Variants in UNC13C observed in about 807,000 individuals in gnomAD.
The protein encoded by UNC13C is protein unc-13 homolog C.
A neutral mutation model predicts 245.4 loss-of-function variants in UNC13C; 174 were observed. The ratio of observed to expected loss-of-function variants is 0.71; its 90% CI spans 0.63 to 0.80. UNC13C has a LOEUF of 0.80. Ranked by LOEUF, UNC13C falls within the 30% of genes least tolerant of loss-of-function variation. UNC13C has a pLI of 0.00. For synonymous variants in UNC13C, 992 were observed against 895.1 expected (o/e 1.11, Z -1.93); for missense variants, 2,829 against 2,602.9 (o/e 1.09, Z -1.89).
At chr15:54,495,256 T>C (rs1416522107) in intron 20 of UNC13C, among the ~76,000 whole-genome samples, 1 of 152,048 alleles carries the variant, frequency 6.6e-6, no homozygotes, top group East Asian at 1.9e-4. Context: ...TTTTATTCTA[T>C]TGATGGGGTC....
intron 4 of UNC13C, among the ~76,000 whole-genome samples, chr15:54,197,382 G>C (rs2034388891): frequency 6.6e-6 from 1 of 151,546 alleles, no homozygotes; most frequent in Non-Finnish European, 1.5e-5. Context: ...GGAATCACTT[G>C]AACCCAGGAG....
At chr15:53,902,940 G>A in the UNC13C span, among the ~76,000 whole-genome samples, 1 of 152,200 alleles carries the variant, frequency 6.6e-6, no homozygotes, top group Non-Finnish European at 1.5e-5. Context: ...GCTTCAAAGG[G>A]TTGGTAGGGA....
chr15:54,316,020 C>T (rs551826923), intron 13 of UNC13C, among the ~76,000 whole-genome samples: 1 of 151,996 alleles, frequency 6.6e-6, no homozygotes, highest in Non-Finnish European at 1.5e-5. Flanking sequence ...CATCCTCCTA[C>T]ATGCTCCTTC....
intron 19 of UNC13C, among the ~76,000 whole-genome samples, chr15:54,478,829 G>A (rs1027814639): frequency 8.6e-5 from 13 of 151,882 alleles, no homozygotes; most frequent in Non-Finnish European, 1.5e-4. Flanking sequence ...TATTAGGTCC[G>A]CTTGGTGCAG....
chr15:53,913,126 T>G, the UNC13C span: 1 of 152,188 alleles, frequency 6.6e-6, no homozygotes, highest in Admixed American at 6.5e-5. Context: ...TATGTCATGG[T>G]CTTGTTAATA....
At chr15:54,476,284 T>C (rs1333003053) in intron 19 of UNC13C, among the ~76,000 whole-genome samples, 2 of 145,336 alleles carry the variant, frequency 1.4e-5, no homozygotes, top group African/African-American at 2.6e-5. Context: ...TGGTAGTTTC[T>C]TTTGCTGTGC....
chr15:54,069,951 C>G (rs528265637), intron 2 of UNC13C, among the ~76,000 whole-genome samples: 5 of 152,358 alleles, frequency 3.3e-5, no homozygotes, highest in Non-Finnish European at 7.3e-5. Flanking sequence ...TTATACATTA[C>G]TTCACTTAAT....
At chr15:54,516,384 C>T (rs1314897956) in intron 24 of UNC13C, among the ~76,000 whole-genome samples, 3 of 152,138 alleles carry the variant, frequency 2.0e-5, no homozygotes, top group African/African-American at 4.8e-5. Context: ...ACTCTACCCC[C>T]AGTGTATTTG....
intron 25 of UNC13C, among the ~76,000 whole-genome samples, chr15:54,532,309 C>A (rs1895785454): frequency 6.6e-6 from 1 of 152,052 alleles, no homozygotes; most frequent in African/African-American, 2.4e-5. Flanking sequence ...ACCATTTGAC[C>A]CAGGAATCCC....
intron 25 of UNC13C, among the ~76,000 whole-genome samples, chr15:54,526,680 C>T (rs1280627488): frequency 7.0e-6 from 1 of 142,494 alleles, no homozygotes; most frequent in East Asian, 2.1e-4. Context: ...GGAGGTGGAG[C>T]TTGCAGTGAG....
chr15:54,229,617 A>T (rs1228412860), intron 4 of UNC13C, among the ~76,000 whole-genome samples: 1 of 152,172 alleles, frequency 6.6e-6, no homozygotes, highest in African/African-American at 2.4e-5. Flanking sequence ...TCACATAGTT[A>T]TATTTATGGG....
chr15:54,023,602 A>C (rs552920686), intron 2 of UNC13C, among the ~76,000 whole-genome samples: 1 of 152,336 alleles, frequency 6.6e-6, no homozygotes, highest in African/African-American at 2.4e-5. Context: ...ATAGAAGGTA[A>C]GAAATTCAAA....
chr15:54,423,394 A>G (rs932864762), intron 19 of UNC13C, among the ~76,000 whole-genome samples: 1 of 151,862 alleles, frequency 6.6e-6, no homozygotes, highest in Non-Finnish European at 1.5e-5. Context: ...ATATATTTCT[A>G]TGTTGATAAG....
intron 4 of UNC13C, among the ~76,000 whole-genome samples, chr15:54,221,333 A>G (rs1029082366): frequency 6.6e-6 from 1 of 152,074 alleles, no homozygotes; most frequent in Non-Finnish European, 1.5e-5. Context: ...TTGTATGTGG[A>G]AAGTGAATCA....
At chr15:54,282,254 C>T (rs1204391148) in intron 10 of UNC13C, among the ~76,000 whole-genome samples, 1 of 152,090 alleles carries the variant, frequency 6.6e-6, no homozygotes, top group African/African-American at 2.4e-5. Flanking sequence ...AATATATGAA[C>T]ACATGTATAC....
At chr15:54,117,999 G>T (rs924030154) in intron 2 of UNC13C, among the ~76,000 whole-genome samples, 2 of 151,796 alleles carry the variant, frequency 1.3e-5, no homozygotes, top group Non-Finnish European at 2.9e-5. Context: ...CTGTTCCTTT[G>T]GTCTGTGTGT....
chr15:54,068,870 C>G (rs974809669), intron 2 of UNC13C, among the ~76,000 whole-genome samples: 1 of 152,120 alleles, frequency 6.6e-6, no homozygotes, highest in Non-Finnish European at 1.5e-5. Context: ...GTAATATTGA[C>G]AGGTCACCGT....
Position 54,013,631 on chromosome 15 carries a change from T to C in UNC13C, c.728T>C (p.Met243Thr). ...SGCISQTHDV[M>T]EMIFKELQGI... is the part of the protein sequence containing the mutation. ...TGCATTAGCCAAACACATGATGTCA[T>C]GGAAATGATCTTTAAGGAACTTCAG... Residue 243 changes from methionine (M) to threonine (T), a missense_variant, in exon 2 of 33, where the codon ATG becomes ACG. Transcript: ENST00000260323. 1.9e-6 allele frequency: 3 copies of C among 1,613,692 alleles called. No individual in the cohort carries two copies. Among genetic ancestry groups the C allele is most frequent in the Non-Finnish European group, 2.5e-6 (3 of 1,179,802 alleles).
chr15:54,409,450 G>C (rs2140942426), intron 18 of UNC13C, among the ~76,000 whole-genome samples: 1 of 152,162 alleles, frequency 6.6e-6, no homozygotes, highest in South Asian at 2.1e-4. Context: ...AGTCATGGGG[G>C]TTTGATATAC....
Sources: allele counts gnomAD v4.1 joint callset (sites outside exome capture counted in the v4.1 genomes callset), GRCh38; gene constraint gnomAD v4.1.1; transcripts MANE v1.5; gene names NCBI Gene and HGNC (gene_info 2026-07-23, HGNC 2026-07-21).